Variants in SGCZ observed in about 807,000 individuals in gnomAD.
SGCZ encodes the protein sarcoglycan zeta.
A neutral mutation model predicts 41.3 loss-of-function variants in SGCZ; 40 were observed. That is an observed-to-expected ratio of 0.97 (90% confidence interval 0.75 to 1.26). SGCZ has a LOEUF of 1.26. Among genes scored for constraint, SGCZ ranks in the 50% most tolerant of loss-of-function variants. SGCZ has a pLI of 0.00. For missense variants in SGCZ, 552 were observed against 369.8 expected (o/e 1.49, Z -4.04); for synonymous variants, 206 against 137.5 (o/e 1.50, Z -3.49).
intron 4 of SGCZ, among the ~76,000 whole-genome samples, chr8:14,234,447 A>C (rs1806684006): frequency 6.6e-6 from 1 of 152,082 alleles, no homozygotes; most frequent in Non-Finnish European, 1.5e-5. Flanking sequence ...AATGAGAATA[A>C]AATATGGAAA....
rs182410230 is a variant in SGCZ at position 14,825,395 on chromosome 8, T to G, written c.40-270469A>C. Among the ~76,000 whole-genome samples the G allele has an allele frequency of 4.2e-3, 639 of 152,308 alleles. 7 individuals carry two copies. Among genetic ancestry groups the G allele is most frequent in the African/African-American group, 0.015 (609 of 41,564 alleles). On this transcript the variant is annotated intron_variant, in intron 1 of 7. Coordinates refer to ENST00000382080, the MANE Select transcript of SGCZ (RefSeq NM_139167.4). Reference sequence around the variant, plus strand: ...CTTAGATTTATAGTAATACGGAACTTACTGAAGAACTCAAAAAATATAAAA... The same window carrying G: ...CTTAGATTTATAGTAATACGGAACTGACTGAAGAACTCAAAAAATATAAAA...
rs526463 is a variant in SGCZ at position 15,195,608 on chromosome 8, G to C, written c.39+41977C>G. On this transcript the variant is annotated intron_variant, in intron 1 of 7. Transcript: ENST00000382080. ...TGACAAGAGTCCGTGCCTGATTGGA[G>C]CTCAAATTCCATTAGTGTGCCACCC... Among the ~76,000 whole-genome samples, 382 of 152,250 alleles carry C rather than the reference G, an allele frequency of 2.5e-3. 3 individuals carry two copies. The highest frequency in any genetic ancestry group is 8.6e-3 in the African/African-American group (357 of 41,544).
At chr8:15,122,053 T>C (rs7832820) in intron 1 of SGCZ, among the ~76,000 whole-genome samples, 22,013 of 151,848 alleles carry the variant, frequency 0.14, 1,614 homozygotes, top group South Asian at 0.21. Context: ...AATGACTAAA[T>C]TACTAATTTA....
chr8:14,862,322 G>T (rs1011820762), intron 1 of SGCZ, among the ~76,000 whole-genome samples: 15 of 151,834 alleles, frequency 9.9e-5, no homozygotes, highest in Non-Finnish European at 1.5e-4. Flanking sequence ...TTGACCAGGA[G>T]TACAACACAG....
intron 1 of SGCZ, among the ~76,000 whole-genome samples, chr8:15,185,672 G>T (rs966282100): frequency 6.6e-6 from 1 of 152,142 alleles, no homozygotes; most frequent in African/African-American, 2.4e-5. Flanking sequence ...CCCAAGTTCT[G>T]TTGGACCACA....
intron 1 of SGCZ, among the ~76,000 whole-genome samples, chr8:14,870,068 G>A (rs974800029): frequency 3.1e-4 from 47 of 151,886 alleles, no homozygotes; most frequent in Non-Finnish European, 5.9e-4. Flanking sequence ...CACAGAACTA[G>A]AAAAAAATAC....
At chr8:14,975,613 T>A (rs555986035) in intron 1 of SGCZ, among the ~76,000 whole-genome samples, 21 of 152,224 alleles carry the variant, frequency 1.4e-4, no homozygotes, top group Admixed American at 1.2e-3. Flanking sequence ...TTATATGGCA[T>A]ATGTGTAGTA....
intron 1 of SGCZ, among the ~76,000 whole-genome samples, chr8:14,662,637 A>G (rs911830542): frequency 3.3e-5 from 5 of 152,208 alleles, no homozygotes; most frequent in Non-Finnish European, 5.9e-5. Flanking sequence ...AAGTCTATGA[A>G]CTAATCCCTG....
chr8:14,667,057 A>T (rs1037069937), intron 1 of SGCZ, among the ~76,000 whole-genome samples: 1 of 151,436 alleles, frequency 6.6e-6, no homozygotes, highest in Non-Finnish European at 1.5e-5. Flanking sequence ...AGAGAGACAT[A>T]TATATATGTC....
chr8:14,528,820 G>A (rs1473714438), intron 2 of SGCZ, among the ~76,000 whole-genome samples: 1 of 91,692 alleles, frequency 1.1e-5, no homozygotes, highest in African/African-American at 4.7e-5. Context: ...CAACATCACG[G>A]ACCAGCCAAA....
intron 1 of SGCZ, among the ~76,000 whole-genome samples, chr8:14,794,845 G>C (rs928591761): frequency 2.0e-5 from 3 of 152,066 alleles, no homozygotes; most frequent in Admixed American, 2.0e-4. Flanking sequence ...TTTCTGAACA[G>C]GAACACTACA....
At chr8:14,350,246 T>A (rs1803040610) in intron 2 of SGCZ, among the ~76,000 whole-genome samples, 1 of 131,018 alleles carries the variant, frequency 7.6e-6, no homozygotes, top group African/African-American at 2.7e-5. Context: ...GAGCAAAACT[T>A]TTTTTTTTTT....
intron 1 of SGCZ, among the ~76,000 whole-genome samples, chr8:14,663,490 A>G (rs1041980724): frequency 5.3e-5 from 8 of 152,024 alleles, no homozygotes; most frequent in Non-Finnish European, 1.2e-4. Context: ...ACTGGCTGTG[A>G]TTTTCAGGTG....
intron 3 of SGCZ, among the ~76,000 whole-genome samples, chr8:14,260,980 G>C (rs1481515452): frequency 6.6e-6 from 1 of 152,116 alleles, no homozygotes; most frequent in Non-Finnish European, 1.5e-5. Flanking sequence ...ATAGCATTGG[G>C]AGATATACCT....
At chr8:14,812,678 C>G (rs1197958007) in intron 1 of SGCZ, among the ~76,000 whole-genome samples, 1 of 152,044 alleles carries the variant, frequency 6.6e-6, no homozygotes, top group Non-Finnish European at 1.5e-5. Flanking sequence ...CGCATTATAA[C>G]TGATGAATAA....
At chr8:15,115,814 A>G (rs1807246890) in intron 1 of SGCZ, among the ~76,000 whole-genome samples, 1 of 152,268 alleles carries the variant, frequency 6.6e-6, no homozygotes, top group Non-Finnish European at 1.5e-5. Flanking sequence ...ACAATAAACA[A>G]CTTTTTCTGC....
chr8:15,223,244 G>A (rs1289541420), intron 1 of SGCZ, among the ~76,000 whole-genome samples: 1 of 152,096 alleles, frequency 6.6e-6, no homozygotes, highest in East Asian at 1.9e-4. Context: ...CCTAAGCTAA[G>A]CACTATCTAA....
chr8:14,994,002 T>C (rs972569728), intron 1 of SGCZ, among the ~76,000 whole-genome samples: 4 of 152,154 alleles, frequency 2.6e-5, no homozygotes, highest in Non-Finnish European at 5.9e-5. Context: ...ACGGCAGCAA[T>C]CCAGCTGAGA....
At chr8:14,908,554 A>T (rs1270387611) in intron 1 of SGCZ, among the ~76,000 whole-genome samples, 1 of 152,156 alleles carries the variant, frequency 6.6e-6, no homozygotes, top group African/African-American at 2.4e-5. Flanking sequence ...GTTCGAGACC[A>T]GCCTGACCAA....
Sources: gnomAD v4.1 joint callset for allele counts (sites outside exome capture counted in the v4.1 genomes callset) on GRCh38, gnomAD v4.1.1 for gene constraint, MANE v1.5 for transcripts, NCBI Gene and HGNC (gene_info 2026-07-23, HGNC 2026-07-21) for gene names.